The following DAAM1 variants were observed in gnomAD, a reference collection of about 807,000 sequenced individuals.
DAAM1 encodes dishevelled associated activator of morphogenesis 1.
A neutral mutation model predicts 130.0 loss-of-function variants in DAAM1; 52 were observed. The observed-to-expected ratio is 0.40, with a 90% CI of 0.32 to 0.50. DAAM1 has a LOEUF of 0.50. DAAM1 is among the 20% of genes least tolerant of loss of function. DAAM1 has a pLI of 0.61. For missense variants in DAAM1, 1,134 were observed against 1,303.8 expected (o/e 0.87, Z 2.01); for synonymous variants, 452 against 444.5 (o/e 1.02, Z -0.21).
Position 59,194,642 on chromosome 14 carries a change from C to G in DAAM1, c.-38+5874C>G, listed in dbSNP as rs61986015. Among the ~76,000 whole-genome samples, 314 of 152,314 alleles carry G rather than the reference C, an allele frequency of 2.1e-3. 1 individual carries two copies. The highest frequency in any genetic ancestry group is 3.6e-3 in the Non-Finnish European group (247 of 68,020). On this transcript the variant is annotated intron_variant, in intron 1 of 24. Coordinates refer to ENST00000360909, the MANE Select transcript of DAAM1 (RefSeq NM_001270520.2). ...TCTTTTAACATACATTGTGAAAGCT[C>G]TTTTGAAAAGAAAATAATGAACACT...
chr14:59,353,869 C>G lies in DAAM1; in HGVS notation c.2268-7C>G, dbSNP rs183792356. ...GAATATCAATTAGTACATGTTTGCTCTTACAGAATTAATCACTATCAGCAA... is the reference window on the plus strand; with the variant it reads ...GAATATCAATTAGTACATGTTTGCTGTTACAGAATTAATCACTATCAGCAA... On this transcript the variant is annotated splice_region_variant and splice_polypyrimidine_tract_variant and intron_variant, in intron 18 of 24. Coordinates refer to ENST00000360909, the MANE Select transcript of DAAM1 (RefSeq NM_001270520.2). 6.2e-7 allele frequency: 1 copy of G among 1,613,386 alleles called. No individual in the cohort carries two copies. Among genetic ancestry groups the G allele is most frequent in the East Asian group, 2.2e-5 (1 of 44,826 alleles).
intron 20 of DAAM1, 81 bp from the exon 21 acceptor site, chr14:59,359,316 A>G: frequency 9.7e-7 from 1 of 1,029,750 alleles, no homozygotes; most frequent in Admixed American, 2.3e-5. Flanking sequence ...AATCATATGC[A>G]GATATTAACT....
At chr14:59,364,003 G>T (rs900022302) in intron 23 of DAAM1, among the ~76,000 whole-genome samples, 2 of 152,048 alleles carry the variant, frequency 1.3e-5, no homozygotes, top group African/African-American at 4.8e-5. Flanking sequence ...CACCCTTTTT[G>T]TCTGACTGGC....
chr14:59,279,830 T>C (rs1418518706), intron 2 of DAAM1, among the ~76,000 whole-genome samples: 1 of 152,198 alleles, frequency 6.6e-6, no homozygotes, highest in Non-Finnish European at 1.5e-5. Context: ...ATTCTTAATA[T>C]ATACCTCTGG....
intron 2 of DAAM1, among the ~76,000 whole-genome samples, chr14:59,287,490 T>A (rs1481702571): frequency 2.0e-5 from 3 of 152,186 alleles, no homozygotes; most frequent in African/African-American, 7.2e-5. Flanking sequence ...GAAGTCAAAC[T>A]GTGTCTCTTT....
At chr14:59,220,741 C>A (rs1566654903) in intron 1 of DAAM1, among the ~76,000 whole-genome samples, 1 of 152,064 alleles carries the variant, frequency 6.6e-6, no homozygotes, top group Non-Finnish European at 1.5e-5. Context: ...GGTGTGAGTA[C>A]CAGAGCCAAA....
At chr14:59,342,920 G>C (rs1015305009) in intron 16 of DAAM1, among the ~76,000 whole-genome samples, 2 of 152,200 alleles carry the variant, frequency 1.3e-5, no homozygotes, top group Admixed American at 1.3e-4. Context: ...AGTTAGTAGA[G>C]AGCCCTGCAA....
At chr14:59,326,371 A>G (rs534650227) in intron 10 of DAAM1, 139 bp from the exon 11 acceptor site, 14 of 871,592 alleles carry the variant, frequency 1.6e-5, no homozygotes, top group South Asian at 9.5e-5. Context: ...TCAAAATTCC[A>G]TAACTTTGGG....
intron 5 of DAAM1, among the ~76,000 whole-genome samples, 154 bp downstream of exon 5, chr14:59,320,738 G>C (rs932117913): frequency 1.3e-5 from 2 of 151,310 alleles, no homozygotes; most frequent in Non-Finnish European, 2.9e-5. Flanking sequence ...ATTTTCTTCT[G>C]TGAAAAGGTA....
intron 15 of DAAM1, among the ~76,000 whole-genome samples, chr14:59,338,177 C>G (rs567742104): frequency 6.6e-6 from 1 of 152,220 alleles, no homozygotes; most frequent in East Asian, 1.9e-4. Context: ...CTTTCTCTAC[C>G]CTGAATGCTT....
intron 15 of DAAM1, among the ~76,000 whole-genome samples, chr14:59,333,116 T>C (rs1249235004): frequency 6.6e-6 from 1 of 152,216 alleles, no homozygotes; most frequent in Non-Finnish European, 1.5e-5. Context: ...AAAATGGCCT[T>C]TGATACATCT....
At chr14:59,229,340 C>T (rs958464363) in intron 1 of DAAM1, among the ~76,000 whole-genome samples, 1 of 152,180 alleles carries the variant, frequency 6.6e-6, no homozygotes, top group East Asian at 1.9e-4. Context: ...GTAACTTCAT[C>T]GTGCAAGGAT....
In DAAM1 at chr14:59,326,995, A is replaced by C; in HGVS notation, c.1372+4A>C. On this transcript the variant is annotated splice_donor_region_variant and intron_variant, in intron 12 of 24. Coordinates refer to ENST00000360909, the MANE Select transcript of DAAM1 (RefSeq NM_001270520.2). Reference sequence around the variant, plus strand: ...CAAGCGGAAAAAATGAGAAAAGGTAAATAATGAGGCCCTGATAAGAGGCTG... The same window carrying C: ...CAAGCGGAAAAAATGAGAAAAGGTACATAATGAGGCCCTGATAAGAGGCTG... The C allele has an allele frequency of 6.2e-7, 1 of 1,613,990 alleles. No individual in the cohort carries two copies. The highest frequency in any genetic ancestry group is 1.3e-5 in the African/African-American group (1 of 75,050).
At chr14:59,249,183 G>A (rs1881526579) in intron 1 of DAAM1, among the ~76,000 whole-genome samples, 1 of 152,142 alleles carries the variant, frequency 6.6e-6, no homozygotes, top group South Asian at 2.1e-4. Flanking sequence ...AGGTCATTCT[G>A]GAAGTCACTT....
At chr14:59,303,894 T>G (rs1000915536) in intron 3 of DAAM1, among the ~76,000 whole-genome samples, 5 of 152,032 alleles carry the variant, frequency 3.3e-5, no homozygotes, top group African/African-American at 1.2e-4. Flanking sequence ...AGTGAAACTA[T>G]GTCTCAAAAA....
intron 20 of DAAM1, among the ~76,000 whole-genome samples, chr14:59,359,025 G>T (rs1566723111): frequency 6.6e-6 from 1 of 152,114 alleles, no homozygotes; most frequent in Non-Finnish European, 1.5e-5. Context: ...GATCCACTGG[G>T]AAGGTAAACT....
At chr14:59,281,041 GTTC>G (rs35483564) in intron 2 of DAAM1, among the ~76,000 whole-genome samples, 47,142 of 151,882 alleles carry the variant, frequency 0.31, 8,647 homozygotes, top group East Asian at 0.55. Context: ...TGCAGGATGA[GTTC>G]TTCTTACTGT....
At chr14:59,235,697 G>C (rs1474780444) in intron 1 of DAAM1, among the ~76,000 whole-genome samples, 1 of 151,884 alleles carries the variant, frequency 6.6e-6, no homozygotes. Flanking sequence ...GAATTTCTTT[G>C]CTCTTGCTTC....
chr14:59,347,599 T>C lies in DAAM1; in HGVS notation c.2136T>C (p.Asp712=), dbSNP rs1156938917. 1.9e-6 allele frequency: 3 copies of C among 1,613,776 alleles called. No individual in the cohort carries two copies. The highest frequency in any genetic ancestry group is 1.7e-6 in the Non-Finnish European group (2 of 1,179,882). ...RAILTMDEQE[D]LPKDMLEQLL... ...TTCTAACAATGGACGAACAGGAAGA[T>C]CTGCCCAAGGACATGTTGGAACAGG... Residue 712 remains aspartate, a synonymous_variant, in exon 17 of 25, where the codon GAT becomes GAC. Transcript: ENST00000360909.
Sources: gnomAD v4.1 joint callset for allele counts (sites outside exome capture counted in the v4.1 genomes callset) on GRCh38, gnomAD v4.1.1 for gene constraint, MANE v1.5 for transcripts, NCBI Gene and HGNC (gene_info 2026-07-23, HGNC 2026-07-21) for gene names.